FRMD4A: variants seen among roughly 807,000 people sequenced by gnomAD.
The protein encoded by FRMD4A is FERM domain-containing protein 4A.
FRMD4A carries 29 observed loss-of-function variants against 129.1 expected under a neutral mutation model. That is an observed-to-expected ratio of 0.22 (90% CI 0.17 to 0.31). FRMD4A has a LOEUF of 0.31. Ranked by LOEUF, FRMD4A falls within the 10% of genes least tolerant of loss-of-function variation. The pLI, the probability that FRMD4A is intolerant of heterozygous loss-of-function variation, is 1.00. For synonymous variants in FRMD4A, 634 were observed against 571.6 expected, an observed-to-expected ratio of 1.11 and a Z score of -1.56; for missense variants, 1,272 against 1,375.8, an observed-to-expected ratio of 0.92 and a Z score of 1.19.
At chr10:14,325,613 C>A (rs1278242741) in intron 2 of FRMD4A, among the ~76,000 whole-genome samples, 1 of 152,234 alleles carries the variant, frequency 6.6e-6, no homozygotes, top group African/African-American at 2.4e-5. Context: ...TCTCTGAAGA[C>A]GTCCTGTAAA....
intron 15 of FRMD4A, among the ~76,000 whole-genome samples, chr10:13,680,455 T>TA (rs1398245270): frequency 6.6e-6 from 1 of 150,912 alleles, no homozygotes; most frequent in Non-Finnish European, 1.5e-5. Context: ...GGGCTGGGTG[T>TA]CGTGGCTCAT....
chr10:14,152,703 G>A (rs1053289858), intron 2 of FRMD4A, among the ~76,000 whole-genome samples: 1 of 152,166 alleles, frequency 6.6e-6, no homozygotes, highest in Non-Finnish European at 1.5e-5. Flanking sequence ...AGCTGGGCAT[G>A]GTGGTATGTG....
intron 2 of FRMD4A, among the ~76,000 whole-genome samples, chr10:13,935,371 G>T (rs1323482131): frequency 6.7e-6 from 1 of 148,302 alleles, no homozygotes; most frequent in Non-Finnish European, 1.5e-5. Context: ...CTGGGAGGAG[G>T]AGGTTGCAGT....
chr10:13,915,932 C>T (rs1422846495), intron 2 of FRMD4A, among the ~76,000 whole-genome samples: 1 of 152,162 alleles, frequency 6.6e-6, no homozygotes, highest in Non-Finnish European at 1.5e-5. Flanking sequence ...CAAAGAGCTC[C>T]AGTTGGGGGG....
At chr10:14,158,816 G>T (rs1000727653) in intron 2 of FRMD4A, among the ~76,000 whole-genome samples, 15 of 137,068 alleles carry the variant, frequency 1.1e-4, no homozygotes, top group African/African-American at 3.7e-4. Flanking sequence ...GGAAGAGAAG[G>T]AAGAAGAGGG....
At chr10:14,015,220 C>T (rs1421534885) in intron 2 of FRMD4A, among the ~76,000 whole-genome samples, 1 of 92,704 alleles carries the variant, frequency 1.1e-5, no homozygotes, top group South Asian at 5.3e-4. Flanking sequence ...TCTTCCCTTC[C>T]CTTTCTCCTT....
At chr10:14,248,149 T>C (rs1844310575) in intron 2 of FRMD4A, among the ~76,000 whole-genome samples, 1 of 151,928 alleles carries the variant, frequency 6.6e-6, no homozygotes, top group Admixed American at 6.6e-5. Context: ...GAGGCATAAG[T>C]GCCTTGTAAA....
chr10:14,010,533 C>G (rs773303368), intron 2 of FRMD4A, among the ~76,000 whole-genome samples: 1 of 151,840 alleles, frequency 6.6e-6, no homozygotes, highest in South Asian at 2.1e-4. Flanking sequence ...CCAGTCCCCG[C>G]GGAGTAGGTG....
chr10:14,088,351 T>C (rs1178989640), intron 2 of FRMD4A, among the ~76,000 whole-genome samples: 1 of 151,514 alleles, frequency 6.6e-6, no homozygotes, highest in Non-Finnish European at 1.5e-5. Context: ...GGAGGCTAAG[T>C]TGGGAGGACT....
chr10:13,657,051 C>T lies in FRMD4A; in HGVS notation c.2538G>A (p.Thr846=), dbSNP rs765205219. The change falls in exon 22 of 25, where the codon ACG becomes ACA. Residue 846 remains threonine (T), a synonymous_variant. Transcript: ENST00000357447. Reference sequence around the variant, plus strand: ...TCTCCAGGCTGCGCACCACCACGGGCGTGGCGCCGCCCTCGATGTACAGCG... The same window carrying T: ...TCTCCAGGCTGCGCACCACCACGGGTGTGGCGCCGCCCTCGATGTACAGCG... ...EYPLYIEGGA[T]PVVVRSLESD... 6.4e-6 allele frequency: 10 copies of T among 1,572,510 alleles called. No individual in the cohort carries two copies. Among genetic ancestry groups the T allele is most frequent in the South Asian group, 1.1e-5 (1 of 88,470 alleles).
intron 2 of FRMD4A, among the ~76,000 whole-genome samples, chr10:13,868,373 T>C (rs1051277223): frequency 6.6e-6 from 1 of 152,110 alleles, no homozygotes; most frequent in Non-Finnish European, 1.5e-5. Flanking sequence ...AAGATGACGA[T>C]GGAAGGAAAG....
chr10:14,246,494 TACAC>T (rs1844243823), intron 2 of FRMD4A, among the ~76,000 whole-genome samples: 1 of 152,094 alleles, frequency 6.6e-6, no homozygotes, highest in South Asian at 2.1e-4. Flanking sequence ...TGCACACACA[TACAC>T]ATGCATGCAC....
chr10:13,666,405 G>A, intron 17 of FRMD4A, 80 bp from the exon 18 acceptor site: 3 of 968,488 alleles, frequency 3.1e-6, no homozygotes, highest in Non-Finnish European at 4.9e-6. Flanking sequence ...CCTGTCCCAA[G>A]GCAAGTCCAG....
chr10:13,798,497 A>G (rs2093174201), intron 4 of FRMD4A, among the ~76,000 whole-genome samples: 1 of 152,188 alleles, frequency 6.6e-6, no homozygotes, highest in Admixed American at 6.5e-5. Flanking sequence ...CAGACAGATC[A>G]CGAGGTCAGG....
intron 2 of FRMD4A, among the ~76,000 whole-genome samples, chr10:14,305,239 A>G (rs1276494640): frequency 6.6e-6 from 1 of 152,214 alleles, no homozygotes; most frequent in Non-Finnish European, 1.5e-5. Flanking sequence ...TGAGCTATTT[A>G]CCAGGTTCAT....
At position 14,012,649 on chromosome 10, in the gene FRMD4A, C is replaced by T. The variant is rs375154449; in HGVS notation, c.46-153737G>A. Among the ~76,000 whole-genome samples, 495 of 152,238 alleles carry T rather than the reference C, an allele frequency of 3.3e-3. 1 individual carries two copies. The highest frequency in any genetic ancestry group is 0.011 in the African/African-American group (468 of 41,536). On this transcript the variant is annotated intron_variant, in intron 2 of 24. Transcript: ENST00000357447. The stretch of plus-strand genomic sequence containing the variant: ...CTCATAGATGAAGCCAGTGCCCGCG[C>T]GGATGCATGCTGAAAAGCCACGTGA...
intron 2 of FRMD4A, among the ~76,000 whole-genome samples, chr10:13,911,626 A>G (rs189008777): frequency 3.3e-5 from 5 of 152,250 alleles, no homozygotes; most frequent in Non-Finnish European, 5.9e-5. Flanking sequence ...GCATGGCACA[A>G]TCTCAGCTCA....
At chr10:14,235,444 G>A (rs748467170) in intron 2 of FRMD4A, among the ~76,000 whole-genome samples, 5 of 152,060 alleles carry the variant, frequency 3.3e-5, no homozygotes, top group African/African-American at 4.8e-5. Context: ...CACCGCGCCC[G>A]GCCGCCACCA....
chr10:14,127,979 C>CTTTCTTTCTTTCT (rs58342864), intron 2 of FRMD4A, among the ~76,000 whole-genome samples: 3 of 31,046 alleles, frequency 9.7e-5, no homozygotes, highest in African/African-American at 1.2e-4. Context: ...TCTTTCTTTC[C>CTTTCTTTCTTTCT]TTCTCTCTCT....
Sources: allele counts gnomAD v4.1 joint callset (sites outside exome capture counted in the v4.1 genomes callset), GRCh38; gene constraint gnomAD v4.1.1; transcripts MANE v1.5; gene names NCBI Gene and HGNC (gene_info 2026-07-23, HGNC 2026-07-21).